MTMR2: variants seen among roughly 807,000 people sequenced by gnomAD.
The protein encoded by MTMR2 is phosphatidylinositol-3,5-bisphosphate 3-phosphatase MTMR2.
Under a neutral mutation model 86.9 loss-of-function variants are expected in MTMR2, and 55 were observed. That is an observed-to-expected ratio of 0.63 (90% confidence interval 0.51 to 0.79). The LOEUF (loss-of-function observed/expected upper bound fraction) is 0.79. MTMR2 is among the 30% of genes least tolerant of loss of function. The pLI, the probability that MTMR2 is intolerant of heterozygous loss-of-function variation, is 0.00. For synonymous variants in MTMR2, 241 were observed against 266.8 expected (o/e 0.90, Z 0.94); for missense variants, 659 against 772.3 (o/e 0.85, Z 1.74).
At chr11:95,843,988 G>C (rs1337976655) in intron 11 of MTMR2, among the ~76,000 whole-genome samples, 1 of 152,090 alleles carries the variant, frequency 6.6e-6, no homozygotes, top group Admixed American at 6.5e-5. Context: ...CATTAACCTT[G>C]TGAGCAAATC....
In MTMR2 at chr11:95,865,652, C is replaced by T; in HGVS notation, c.211G>A (p.Ala71Thr). Reference protein sequence around the residue: ...LRVLRESNKLAEMEEPPLLPG... With the variant: ...LRVLRESNKLTEMEEPPLLPG... ...AGCAAGGGTGGTTCTTCCATTTCTG[C>T]TAACTTGTTAGACTCCCTCAGGACC... Residue 71 changes from alanine to threonine, a missense_variant, in exon 3 of 15, where the codon GCA becomes ACA. By Grantham distance (58) the Ala-to-Thr change is moderately conservative (BLOSUM62 0). Coordinates refer to ENST00000346299, the MANE Select transcript of MTMR2 (RefSeq NM_016156.6). 2 of 1,613,832 alleles carry T rather than the reference C, an allele frequency of 1.2e-6. No individual in the cohort carries two copies. Among genetic ancestry groups the T allele is most frequent in the South Asian group, 1.1e-5 (1 of 91,080 alleles).
At chr11:95,922,467 G>C (rs1274749664) in intron 1 of MTMR2, among the ~76,000 whole-genome samples, 1 of 150,880 alleles carries the variant, frequency 6.6e-6, no homozygotes, top group Non-Finnish European at 1.5e-5. Flanking sequence ...AATAAATACA[G>C]AATTCAAAAA....
In MTMR2 at chr11:95,847,875, C is replaced by G. The variant is rs1218061957; in HGVS notation, c.1018G>C (p.Glu340Gln). 1 of 1,613,718 alleles carries G rather than the reference C, an allele frequency of 6.2e-7. No homozygotes were observed. Among genetic ancestry groups the G allele is most frequent in the South Asian group, 1.1e-5 (1 of 91,062 alleles). The change falls in exon 10 of 15, where the codon GAA (glutamate) becomes CAA (glutamine). Residue 340 changes from glutamate to glutamine, a missense_variant. This residue lies in a region of MTMR2 where 387 missense variants were observed against 526.3 expected (regional missense o/e 0.74). Coordinates refer to ENST00000346299, the MANE Select transcript of MTMR2 (RefSeq NM_016156.6). ...AGTTCAGCATTTTGATAGGCATCTT[C>G]ACTTTCATAACCTCCACCCTTTGCC... ...NKAKGGGYES[E>Q]DAYQNAELVF...
intron 12 of MTMR2, among the ~76,000 whole-genome samples, chr11:95,840,940 G>A (rs560747843): frequency 2.0e-5 from 3 of 152,224 alleles, no homozygotes; most frequent in East Asian, 1.9e-4. Context: ...ACAGGGTTTC[G>A]AGATGGTTTG....
intron 2 of MTMR2, among the ~76,000 whole-genome samples, chr11:95,871,084 G>T (rs1221974942): frequency 6.6e-6 from 1 of 152,112 alleles, no homozygotes; most frequent in Non-Finnish European, 1.5e-5. Context: ...TTTTATGGCT[G>T]CATAGTATTC....
intron 9 of MTMR2, 106 bp downstream of exon 9, chr11:95,849,566 CTA>C (rs1178653664): frequency 4.9e-5 from 49 of 1,002,868 alleles, no homozygotes; most frequent in Non-Finnish European, 7.7e-5. Flanking sequence ...AGACAAGAAC[CTA>C]TATGTTTACC....
At chr11:95,896,229 G>C (rs1456193372) in intron 1 of MTMR2, among the ~76,000 whole-genome samples, 1 of 152,022 alleles carries the variant, frequency 6.6e-6, no homozygotes, top group Admixed American at 6.6e-5. Flanking sequence ...CACTCTCATA[G>C]CACTTTGTGC....
At chr11:95,877,477 A>G (rs906001450) in intron 2 of MTMR2, among the ~76,000 whole-genome samples, 25 of 152,012 alleles carry the variant, frequency 1.6e-4, no homozygotes, top group African/African-American at 6.0e-4. Flanking sequence ...ATGACTATCT[A>G]AAGAAGAATG....
chr11:95,881,786 ATTCCT>A (rs1565370829), intron 2 of MTMR2, among the ~76,000 whole-genome samples: 2 of 152,086 alleles, frequency 1.3e-5, no homozygotes, highest in Non-Finnish European at 2.9e-5. Flanking sequence ...AGTTTTGTTT[ATTCCT>A]TTCATTTCTT....
intron 7 of MTMR2, among the ~76,000 whole-genome samples, chr11:95,852,708 C>T (rs901699189): frequency 1.3e-5 from 2 of 152,134 alleles, no homozygotes; most frequent in African/African-American, 2.4e-5. Flanking sequence ...GACTTATTTC[C>T]AGAACTACAG....
rs1028055468 is a variant in MTMR2 at position 95,906,226 on chromosome 11, A to AAAAC, written c.80+17645_80+17648dup. On this transcript the variant is annotated intron_variant, in intron 1 of 14. Coordinates refer to ENST00000346299, the MANE Select transcript of MTMR2 (RefSeq NM_016156.6). ...GGCAATACAGCGAGACTCTGTCTCAAAAACAAACAAACAAACAAAACAGAC... is the reference window on the plus strand; with the variant it reads ...GGCAATACAGCGAGACTCTGTCTCAAAAACAAACAAACAAACAAACAAAACAGAC... 3.3e-5 allele frequency among the ~76,000 whole-genome samples: 5 copies of AAAAC among 152,212 alleles called. No homozygotes were observed. In the East Asian group the frequency reaches 7.7e-4, roughly 23 times the overall value.
rs137919953 is a variant in MTMR2, at chr11:95,893,104, G to C, written c.81-4843C>G. Among the ~76,000 whole-genome samples, 311 of 152,068 alleles carry C rather than the reference G, an allele frequency of 2.0e-3. 4 individuals carry two copies. Among genetic ancestry groups the C allele is most frequent in the African/African-American group, 7.2e-3 (298 of 41,458 alleles). On this transcript the variant is annotated intron_variant, in intron 1 of 14. Coordinates refer to ENST00000346299, the MANE Select transcript of MTMR2 (RefSeq NM_016156.6). ...CCCACCCATCCTCCTCACTCACTAA[G>C]GGTTTTCTCATCTGGCTCACTTTCC...
Position 95,860,590 on chromosome 11 carries a change from T to C in MTMR2, c.468+1402A>G, listed in dbSNP as rs144317972. Reference sequence around the variant, plus strand: ...CTTCTAAGATTAGCATAACAAAGTATCTTGAATTATACACATGCTGTTTCT... The same window carrying C: ...CTTCTAAGATTAGCATAACAAAGTACCTTGAATTATACACATGCTGTTTCT... On this transcript the variant is annotated intron_variant, in intron 5 of 14. Coordinates refer to ENST00000346299, the MANE Select transcript of MTMR2 (RefSeq NM_016156.6). Among the ~76,000 whole-genome samples the C allele has an allele frequency of 5.9e-3, 898 of 152,292 alleles. 15 individuals are homozygous for C. The highest frequency in any genetic ancestry group is 0.02 in the African/African-American group (834 of 41,566).
intron 1 of MTMR2, among the ~76,000 whole-genome samples, chr11:95,890,075 T>C (rs1157112626): frequency 6.6e-6 from 1 of 152,098 alleles, no homozygotes; most frequent in Non-Finnish European, 1.5e-5. Context: ...AATGTGAAAA[T>C]CACCTCCCCA....
At chr11:95,887,768 T>C (rs1045093110) in intron 2 of MTMR2, 1 of 227,788 alleles carries the variant, frequency 4.4e-6, no homozygotes, top group African/African-American at 2.4e-5. Context: ...ATCTGTAGAA[T>C]GGTGACAGAA....
At chr11:95,923,549 G>A (rs1867012142) in intron 1 of MTMR2, 2 of 630,234 alleles carry the variant, frequency 3.2e-6, no homozygotes, top group East Asian at 5.8e-5. Flanking sequence ...AAAGAATGGG[G>A]GCGGGGGGAA....
chr11:95,919,601 G>A (rs1394523585), intron 1 of MTMR2, among the ~76,000 whole-genome samples: 3 of 152,136 alleles, frequency 2.0e-5, no homozygotes, highest in Non-Finnish European at 4.4e-5. Flanking sequence ...GTAGCAGATG[G>A]ATAAATAGGT....
chr11:95,893,565 G>A (rs1321141484), intron 1 of MTMR2, among the ~76,000 whole-genome samples: 1 of 152,014 alleles, frequency 6.6e-6, no homozygotes, highest in Non-Finnish European at 1.5e-5. Flanking sequence ...ATCCCTAAAT[G>A]TGGACCAACA....
chr11:95,908,211 G>A (rs555447653), intron 1 of MTMR2, among the ~76,000 whole-genome samples: 5 of 151,646 alleles, frequency 3.3e-5, no homozygotes, highest in Non-Finnish European at 7.4e-5. Flanking sequence ...AATTCAAGCT[G>A]AGTGCCAAAT....
Sources: allele counts gnomAD v4.1 joint callset (sites outside exome capture counted in the v4.1 genomes callset), GRCh38; gene constraint gnomAD v4.1.1; regional missense constraint gnomAD v4.1.1; transcripts MANE v1.5; gene names NCBI Gene and HGNC (gene_info 2026-07-23, HGNC 2026-07-21).